CNTN4: variants seen among roughly 807,000 people sequenced by gnomAD.
The protein encoded by CNTN4 is contactin-4.
Under a neutral mutation model 122.5 loss-of-function variants are expected in CNTN4, and 77 were observed. The observed-to-expected ratio is 0.63, with a 90% CI of 0.52 to 0.76. The LOEUF is 0.76. CNTN4 is among the 30% of genes least tolerant of loss of function. CNTN4 has a pLI of 0.00. For missense variants in CNTN4, 1,256 were observed against 1,259.1 expected (o/e 1.00, Z 0.04); for synonymous variants, 512 against 447.0 (o/e 1.15, Z -1.83).
intron 13 of CNTN4, among the ~76,000 whole-genome samples, chr3:2,926,090 C>T (rs919000751): frequency 3.9e-5 from 6 of 152,106 alleles, no homozygotes; most frequent in Non-Finnish European, 7.4e-5. Flanking sequence ...TGTAGATTTC[C>T]CCACCTTTCC....
intron 4 of CNTN4, among the ~76,000 whole-genome samples, chr3:2,721,745 A>G (rs1051770012): frequency 6.6e-6 from 1 of 151,934 alleles, no homozygotes; most frequent in African/African-American, 2.4e-5. Context: ...CAAGTCTTGG[A>G]TCAGATATCC....
At chr3:2,519,236 C>G (rs2077128352) in intron 3 of CNTN4, among the ~76,000 whole-genome samples, 1 of 152,174 alleles carries the variant, frequency 6.6e-6, no homozygotes, top group Non-Finnish European at 1.5e-5. Flanking sequence ...GTGGCATATT[C>G]TGATAAGGGC....
intron 3 of CNTN4, among the ~76,000 whole-genome samples, chr3:2,490,026 T>C (rs2076270522): frequency 6.6e-6 from 1 of 151,614 alleles, no homozygotes; most frequent in South Asian, 2.1e-4. Flanking sequence ...TATATTATCC[T>C]ATACAGAGGT....
At chr3:2,439,603 CCT>C (rs1246508911) in intron 3 of CNTN4, among the ~76,000 whole-genome samples, 2 of 151,772 alleles carry the variant, frequency 1.3e-5, no homozygotes, top group Non-Finnish European at 2.9e-5. Context: ...TATCTGTGTT[CCT>C]CTCTCTTTCT....
At chr3:2,937,453 G>A (rs1156251107) in intron 13 of CNTN4, among the ~76,000 whole-genome samples, 1 of 152,140 alleles carries the variant, frequency 6.6e-6, no homozygotes, top group Non-Finnish European at 1.5e-5. Flanking sequence ...TGAACAACCA[G>A]TAAAAAAATG....
At chr3:2,819,447 T>A in intron 6 of CNTN4, 39 bp from the exon 7 acceptor site, 1 of 1,496,230 alleles carries the variant, frequency 6.7e-7, no homozygotes, top group Non-Finnish European at 9.3e-7. Flanking sequence ...TCTTAGGACT[T>A]TAAAGTTTAA....
chr3:2,830,714 G>A lies in CNTN4; in HGVS notation c.454+11133G>A, dbSNP rs193212449. Among the ~76,000 whole-genome samples the A allele has an allele frequency of 1.1e-3, 161 of 152,198 alleles. 2 individuals carry two copies. The highest frequency in any genetic ancestry group is 3.8e-3 in the African/African-American group (159 of 41,514). On this transcript the variant is annotated intron_variant, in intron 7 of 24. Transcript: ENST00000418658. ...GTGGACATTCACTACAGGATAGACG[G>A]GCACCATTCTTGTTTTAATGCCTGC...
chr3:2,760,126 G>T (rs570732027), intron 6 of CNTN4, among the ~76,000 whole-genome samples: 1 of 152,082 alleles, frequency 6.6e-6, no homozygotes, highest in Non-Finnish European at 1.5e-5. Flanking sequence ...TATTTACTGG[G>T]TTGTATTTTC....
intron 3 of CNTN4, among the ~76,000 whole-genome samples, chr3:2,519,873 T>C (rs996076169): frequency 8.5e-5 from 13 of 152,168 alleles, no homozygotes; most frequent in African/African-American, 2.9e-4. Flanking sequence ...AATATGCGGA[T>C]TCACATCATG....
chr3:2,354,065 C>G lies in CNTN4; in HGVS notation c.-89+14832C>G, dbSNP rs114802950. Among the ~76,000 whole-genome samples the G allele has an allele frequency of 8.3e-3, 1,269 of 152,326 alleles. 20 individuals carry two copies. The highest frequency in any genetic ancestry group is 0.029 in the African/African-American group (1,209 of 41,578). On this transcript the variant is annotated intron_variant, in intron 3 of 24. Transcript: ENST00000418658. Reference sequence around the variant, plus strand: ...CGTAACCTAAAGTAGGTTCCAACATCTCATAACATCTCTTCATCTTGTTGA... The same window carrying G: ...CGTAACCTAAAGTAGGTTCCAACATGTCATAACATCTCTTCATCTTGTTGA...
At chr3:2,388,689 A>G (rs1302883818) in intron 3 of CNTN4, among the ~76,000 whole-genome samples, 2 of 152,120 alleles carry the variant, frequency 1.3e-5, no homozygotes, top group Non-Finnish European at 2.9e-5. Flanking sequence ...TGCTAAAAAT[A>G]TAGAAATTAG....
intron 13 of CNTN4, among the ~76,000 whole-genome samples, chr3:2,939,259 A>G (rs777001872): frequency 3.3e-5 from 5 of 152,164 alleles, no homozygotes; most frequent in Non-Finnish European, 4.4e-5. Flanking sequence ...CTTTCTATAT[A>G]ATTACAACAT....
At chr3:2,243,823 C>T (rs756653901) in intron 2 of CNTN4, among the ~76,000 whole-genome samples, 10 of 151,996 alleles carry the variant, frequency 6.6e-5, no homozygotes, top group East Asian at 1.9e-4. Context: ...ATAGAGTAAT[C>T]AGTGTTGAAG....
intron 3 of CNTN4, among the ~76,000 whole-genome samples, chr3:2,339,704 T>A (rs891452407): frequency 2.0e-5 from 3 of 152,316 alleles, no homozygotes; most frequent in African/African-American, 7.2e-5. Context: ...GTCTACAATG[T>A]ATGCAAATTT....
intron 6 of CNTN4, among the ~76,000 whole-genome samples, chr3:2,809,246 C>T (rs2092546590): frequency 6.6e-6 from 1 of 152,154 alleles, no homozygotes; most frequent in African/African-American, 2.4e-5. Flanking sequence ...TTTACTTAAG[C>T]CCTCAGGTAA....
chr3:2,232,914 A>G (rs983612920), intron 2 of CNTN4, among the ~76,000 whole-genome samples: 1 of 152,178 alleles, frequency 6.6e-6, no homozygotes, highest in East Asian at 1.9e-4. Context: ...AGTGGAAAGA[A>G]GAGACAGAGG....
chr3:2,657,360 C>G (rs1310415025), intron 4 of CNTN4, among the ~76,000 whole-genome samples: 1 of 152,170 alleles, frequency 6.6e-6, no homozygotes, highest in African/African-American at 2.4e-5. Context: ...ACATCAATCT[C>G]TCCAGTGGGT....
Position 3,037,480 on chromosome 3 carries a change from G to A in CNTN4, c.2092+152G>A, listed in dbSNP as rs189866988. The A allele has an allele frequency of 1.8e-5, 20 of 1,085,356 alleles. No homozygotes were observed. In the African/African-American group the frequency reaches 2.5e-4, roughly 13 times the overall value. The allele number at this position is 1,085,356 out of a possible 1,614,324, so 67.2% of individuals were successfully genotyped here. A position where few individuals can be genotyped will look rare whatever the true frequency, so the allele number is the denominator to read the frequency against. On this transcript the variant is annotated intron_variant, in intron 18 of 24. Transcript: ENST00000418658. ...TTTATAATGATAGAAATCAGGCCAG[G>A]AGAAGCCCAGCTGAACACGCAACGG...
intron 7 of CNTN4, 77 bp from the exon 8 acceptor site, chr3:2,866,675 T>G (rs2093727392): frequency 1.4e-6 from 2 of 1,387,602 alleles, no homozygotes; most frequent in Non-Finnish European, 2.0e-6. Context: ...ATTTTTAACC[T>G]GATCATTTCT....
Sources: gnomAD v4.1 joint callset for allele counts (sites outside exome capture counted in the v4.1 genomes callset) on GRCh38, gnomAD v4.1.1 for gene constraint, MANE v1.5 for transcripts, NCBI Gene and HGNC (gene_info 2026-07-23, HGNC 2026-07-21) for gene names.